The following CADM1 variants were observed in gnomAD, a reference collection of about 807,000 sequenced individuals.
The protein encoded by CADM1 is TSLC-1.
A neutral mutation model predicts 53.1 loss-of-function variants in CADM1; 15 were observed. The observed-to-expected ratio is 0.28, with a 90% confidence interval of 0.19 to 0.44. The LOEUF (loss-of-function observed/expected upper bound fraction) is 0.44. Among genes scored for constraint, CADM1 ranks in the 20% least tolerant of loss-of-function variants. The probability of loss-of-function intolerance (pLI) is 1.00; values close to 1 mark genes in which losing one functional copy is unlikely to be tolerated. For missense variants in CADM1, 434 were observed against 611.3 expected, an observed-to-expected ratio of 0.71 and a Z score of 3.06; for synonymous variants, 281 against 243.0, an observed-to-expected ratio of 1.16 and a Z score of -1.45.
Position 115,447,256 on chromosome 11 carries a change from C to A in CADM1, c.124+57015G>T, listed in dbSNP as rs757622155. ...GAAAGACATGGGCCTTAGAAAATAGCAAATCTAATTTTGAAATGTGAACCT... is the reference window on the plus strand; with the variant it reads ...GAAAGACATGGGCCTTAGAAAATAGAAAATCTAATTTTGAAATGTGAACCT... On this transcript the variant is annotated intron_variant, in intron 1 of 11. Coordinates refer to ENST00000331581, the MANE Select transcript of CADM1 (RefSeq NM_001301043.2). 2.6e-5 allele frequency among the ~76,000 whole-genome samples: 4 copies of A among 152,234 alleles called. 1 individual carries two copies. The highest frequency in any genetic ancestry group is 2.6e-4 in the Admixed American group (4 of 15,292).
At chr11:115,178,834 C>CG in intron 10 of CADM1, 59 bp from the exon 11 acceptor site, 1 of 1,585,454 alleles carries the variant, frequency 6.3e-7, no homozygotes, top group Admixed American at 1.7e-5. Flanking sequence ...CCAGAAGCCC[C>CG]GGCGACACTG....
At chr11:115,344,231 G>A (rs892740078) in intron 1 of CADM1, among the ~76,000 whole-genome samples, 4 of 150,826 alleles carry the variant, frequency 2.7e-5, no homozygotes, top group African/African-American at 9.8e-5. Context: ...AATCCAAATT[G>A]CAAGAGTAAA....
intron 1 of CADM1, among the ~76,000 whole-genome samples, chr11:115,432,551 CTAAGAA>C (rs1423301685): frequency 6.6e-6 from 1 of 152,110 alleles, no homozygotes; most frequent in African/African-American, 2.4e-5. Flanking sequence ...TAATGAACAC[CTAAGAA>C]TAATAAACAG....
intron 1 of CADM1, among the ~76,000 whole-genome samples, chr11:115,280,715 T>G (rs142671157): frequency 8.7e-4 from 132 of 152,298 alleles, no homozygotes; most frequent in African/African-American, 2.9e-3. Flanking sequence ...TCAACAGAAT[T>G]AAACAAGGCA....
At chr11:115,403,723 A>C (rs1353000497) in intron 1 of CADM1, among the ~76,000 whole-genome samples, 1 of 151,834 alleles carries the variant, frequency 6.6e-6, no homozygotes, top group Non-Finnish European at 1.5e-5. Flanking sequence ...CAGCCTCCCA[A>C]GTAGCTAGGA....
At chr11:115,273,032 C>T (rs978304206) in intron 1 of CADM1, among the ~76,000 whole-genome samples, 87 of 152,200 alleles carry the variant, frequency 5.7e-4, no homozygotes, top group African/African-American at 1.4e-3. Flanking sequence ...GGGTCAATAC[C>T]GGGTCAGAAA....
At chr11:115,457,186 G>T (rs889817957) in intron 1 of CADM1, among the ~76,000 whole-genome samples, 1 of 152,118 alleles carries the variant, frequency 6.6e-6, no homozygotes, top group East Asian at 1.9e-4. Context: ...ACTTTGCAAC[G>T]GTGACAGAGC....
At chr11:115,398,039 G>T (rs1947046856) in intron 1 of CADM1, among the ~76,000 whole-genome samples, 1 of 152,106 alleles carries the variant, frequency 6.6e-6, no homozygotes, top group African/African-American at 2.4e-5. Flanking sequence ...CAGATGACAA[G>T]AACGAAATCT....
intron 1 of CADM1, among the ~76,000 whole-genome samples, chr11:115,503,586 G>A (rs2135452377): frequency 6.6e-6 from 1 of 152,200 alleles, no homozygotes; most frequent in East Asian, 1.9e-4. Context: ...CCGGGCCGGG[G>A]AACTTTCCCC....
At chr11:115,265,391 G>T (rs1943107129) in intron 1 of CADM1, among the ~76,000 whole-genome samples, 1 of 152,142 alleles carries the variant, frequency 6.6e-6, no homozygotes, top group Non-Finnish European at 1.5e-5. Context: ...TGGTCTATAA[G>T]ATACAGGCTA....
At chr11:115,286,677 G>A (rs753661798) in intron 1 of CADM1, among the ~76,000 whole-genome samples, 1 of 152,154 alleles carries the variant, frequency 6.6e-6, no homozygotes, top group Admixed American at 6.5e-5. Flanking sequence ...ATACATTCTG[G>A]TAGTTCAATT....
At chr11:115,226,403 T>C (rs1941608945) in intron 5 of CADM1, among the ~76,000 whole-genome samples, 1 of 152,164 alleles carries the variant, frequency 6.6e-6, no homozygotes, top group African/African-American at 2.4e-5. Flanking sequence ...GAATATGTGA[T>C]TGTATTCATC....
chr11:115,466,654 G>A (rs314495), intron 1 of CADM1, among the ~76,000 whole-genome samples: 1 of 152,100 alleles, frequency 6.6e-6, no homozygotes, highest in Non-Finnish European at 1.5e-5. Context: ...AAATTTGGAC[G>A]AGGAAGAAAA....
intron 1 of CADM1, among the ~76,000 whole-genome samples, chr11:115,271,002 G>A (rs1943281679): frequency 6.6e-6 from 1 of 152,172 alleles, no homozygotes; most frequent in Non-Finnish European, 1.5e-5. Context: ...GTGTCAAAGT[G>A]AACTGTTCAT....
In CADM1 at chr11:115,174,379, T is replaced by C. The variant is rs1446738860; in HGVS notation, c.*2095A>G. ...CTCACCCTTTGATATGATTATACTA[T>C]GGTCGGAATGGGTGCTAAGGGCTCG... On this transcript the variant is annotated 3_prime_UTR_variant, in exon 12 of 12. Coordinates refer to ENST00000331581, the MANE Select transcript of CADM1 (RefSeq NM_001301043.2). 15 of 985,542 alleles carry C rather than the reference T, an allele frequency of 1.5e-5. No individual in the cohort carries two copies. Among genetic ancestry groups the C allele is most frequent in the Middle Eastern group, 5.2e-4 (1 of 1,936 alleles). 61.0% of individuals were successfully genotyped at this position (985,542 alleles called of 1,614,324 possible).
chr11:115,373,985 A>G (rs1440844340), intron 1 of CADM1, among the ~76,000 whole-genome samples: 1 of 152,210 alleles, frequency 6.6e-6, no homozygotes, highest in Non-Finnish European at 1.5e-5. Flanking sequence ...AGACAACAAC[A>G]ATACATTGCC....
At chr11:115,331,374 C>G (rs1394928639) in intron 1 of CADM1, among the ~76,000 whole-genome samples, 1 of 152,120 alleles carries the variant, frequency 6.6e-6, no homozygotes, top group African/African-American at 2.4e-5. Flanking sequence ...GCCTCCCACA[C>G]ACAGAGACAC....
chr11:115,282,571 C>T (rs1449660392), intron 1 of CADM1, among the ~76,000 whole-genome samples: 1 of 152,136 alleles, frequency 6.6e-6, no homozygotes, highest in Non-Finnish European at 1.5e-5. Context: ...AGCTTTGTTC[C>T]CTCATTCATT....
At chr11:115,473,466 A>G (rs1182849431) in intron 1 of CADM1, among the ~76,000 whole-genome samples, 1 of 152,184 alleles carries the variant, frequency 6.6e-6, no homozygotes, top group Non-Finnish European at 1.5e-5. Flanking sequence ...CTCAAAAAGA[A>G]AAGTAACTAC....
Sources: gnomAD v4.1 joint callset for allele counts (sites outside exome capture counted in the v4.1 genomes callset) on GRCh38, gnomAD v4.1.1 for gene constraint, MANE v1.5 for transcripts, NCBI Gene and HGNC (gene_info 2026-07-23, HGNC 2026-07-21) for gene names.